NLRP4: variants seen among roughly 807,000 people sequenced by gnomAD.
The protein encoded by NLRP4 is NLR family pyrin domain containing 4.
Under a neutral mutation model 84.7 loss-of-function variants are expected in NLRP4, and 44 were observed. The ratio of observed to expected loss-of-function variants is 0.52; its 90% confidence interval spans 0.41 to 0.67. The LOEUF (loss-of-function observed/expected upper bound fraction) is 0.67. Ranked by LOEUF, NLRP4 falls within the 30% of genes least tolerant of loss-of-function variation. NLRP4 has a pLI of 0.00. For synonymous variants in NLRP4, 544 were observed against 476.4 expected, an observed-to-expected ratio of 1.14 and a Z score of -1.85; for missense variants, 1,260 against 1,219.4, an observed-to-expected ratio of 1.03 and a Z score of -0.50.
At position 55,852,349 on chromosome 19, in the gene NLRP4, G is replaced by A; in HGVS notation, c.269G>A (p.Arg90Lys). 1 of 1,598,502 alleles carries A rather than the reference G, an allele frequency of 6.3e-7. No individual in the cohort carries two copies. The change falls in exon 2 of 10, where the codon AGG (arginine) becomes AAG (lysine). Residue 90 changes from arginine (R) to lysine (K), a missense_variant. By Grantham distance (26) the Arg-to-Lys change is conservative. Transcript: ENST00000301295. ...AAGGATCTCTGCATGAAGGTCATGA[G>A]GGAGAGAACAGGTGAGGGAGTCTGG... ...DRKDLCMKVM[R>K]ERTGYTKTYQ...
At chr19:55,874,139 CAT>C (rs1349856653) in intron 7 of NLRP4, among the ~76,000 whole-genome samples, 4 of 149,954 alleles carry the variant, frequency 2.7e-5, no homozygotes, top group Admixed American at 6.7e-5. Context: ...GCAAGCCACA[CAT>C]GTAATATTAA....
chr19:55,869,701 G>A (rs763959657), intron 6 of NLRP4, among the ~76,000 whole-genome samples: 1 of 151,974 alleles, frequency 6.6e-6, no homozygotes, highest in Admixed American at 6.6e-5. Flanking sequence ...GGCCATATGT[G>A]GTTCGTTCAT....
rs765749540 is a variant in NLRP4, at chr19:55,877,113, G to A, written c.2643G>A (p.Val881=). The A allele has an allele frequency of 6.8e-6, 11 of 1,614,050 alleles. No individual in the cohort carries two copies. In the African/African-American group the frequency reaches 1.1e-4, roughly 16 times the overall value. The change falls in exon 8 of 10, where the codon GTG becomes GTA. Residue 881 remains valine (V), a synonymous_variant. Coordinates refer to ENST00000301295, the MANE Select transcript of NLRP4 (RefSeq NM_134444.5). ...GCAATGAAATCGGAGATGTGGGTGTGCAGCTGTTGTGTCGGGCTCTGACGC... is the reference window on the plus strand; with the variant it reads ...GCAATGAAATCGGAGATGTGGGTGTACAGCTGTTGTGTCGGGCTCTGACGC... ...IGCNEIGDVG[V]QLLCRALTHT...
chr19:55,857,655 C>G lies in NLRP4; in HGVS notation c.281-19C>G. On this transcript the variant is annotated intron_variant, in intron 2 of 9. Coordinates refer to ENST00000301295, the MANE Select transcript of NLRP4 (RefSeq NM_134444.5). ...CTTAACTTTGTGGGTTTTCTCTCCT[C>G]TTGCCCTCACTGACTCAGGATACAC... 1.2e-6 allele frequency: 2 copies of G among 1,608,248 alleles called. No individual in the cohort carries two copies. The highest frequency in any genetic ancestry group is 1.7e-6 in the Non-Finnish European group (2 of 1,178,538).
intron 2 of NLRP4, 22 bp downstream of exon 2, chr19:55,852,382 G>GA: frequency 1.9e-6 from 3 of 1,544,436 alleles, no homozygotes; most frequent in Non-Finnish European, 2.6e-6. Context: ...TGGGAAGGGG[G>GA]AAGCCTTCTT....
intron 1 of NLRP4, among the ~76,000 whole-genome samples, chr19:55,845,698 G>C (rs1274246702): frequency 6.6e-6 from 1 of 151,330 alleles, no homozygotes; most frequent in African/African-American, 2.4e-5. Context: ...GTTGTTTCCT[G>C]ACTTTTTAAT....
intron 1 of NLRP4, among the ~76,000 whole-genome samples, chr19:55,848,268 T>A (rs1357303830): frequency 6.6e-6 from 1 of 152,144 alleles, no homozygotes; most frequent in Non-Finnish European, 1.5e-5. Context: ...CTTCCCATCA[T>A]ATCATATGCT....
At position 55,876,998 on chromosome 19, in the gene NLRP4, T is replaced by C. The variant is rs979627227; in HGVS notation, c.2528T>C (p.Leu843Ser). Residue 843 changes from leucine (L) to serine (S), a missense_variant and splice_region_variant, in exon 8 of 10, where the codon TTG (leucine) becomes TCG (serine). Physicochemically the swap from Leu to Ser is moderately radical, Grantham distance 145. Transcript: ENST00000301295. ...ATGGTACCCTTACTCCTTTGCAGTT[T>C]GGTAAAATGTTTTATCACTGCTGCT... ...HPDCCLDSLC[L>S]VKCFITAAGC... The C allele has an allele frequency of 1.9e-6, 3 of 1,612,720 alleles. No individual in the cohort carries two copies. Among genetic ancestry groups the C allele is most frequent in the Non-Finnish European group, 2.5e-6 (3 of 1,179,022 alleles).
intron 7 of NLRP4, among the ~76,000 whole-genome samples, chr19:55,875,504 G>T (rs1985335434): frequency 6.6e-6 from 1 of 152,156 alleles, no homozygotes; most frequent in Non-Finnish European, 1.5e-5. Flanking sequence ...ATATATGTGA[G>T]ACTTTTATAG....
At chr19:55,861,337 C>T in intron 3 of NLRP4, 49 bp from the exon 4 acceptor site, 1 of 1,563,792 alleles carries the variant, frequency 6.4e-7, no homozygotes, top group Non-Finnish European at 8.8e-7. Flanking sequence ...TTACAAGTGG[C>T]TCGTGTTGAC....
At chr19:55,849,956 T>G (rs5028351) in intron 1 of NLRP4, among the ~76,000 whole-genome samples, 6 of 108,572 alleles carry the variant, frequency 5.5e-5, no homozygotes, top group African/African-American at 9.0e-5. Flanking sequence ...TTTCCGAGAC[T>G]GCGGTGTAAT....
chr19:55,846,980 A>G (rs932255926), intron 1 of NLRP4, among the ~76,000 whole-genome samples: 2 of 152,132 alleles, frequency 1.3e-5, no homozygotes, highest in Admixed American at 1.3e-4. Flanking sequence ...GCTGGAGTGC[A>G]GTGGCACAAT....
chr19:55,853,885 C>CTCTCTCTCTCTTTT (rs1984291024), intron 2 of NLRP4, among the ~76,000 whole-genome samples: 4 of 122,150 alleles, frequency 3.3e-5, no homozygotes, highest in Admixed American at 1.5e-4. Context: ...CTCTTGCTAT[C>CTCTCTCTCTCTTTT]TCTTTCTCTC....
chr19:55,869,361 C>CA lies in NLRP4; in HGVS notation c.2355-1457dup, dbSNP rs200149862. ...CCTGGGTGAAAGAGCAAGACTGTCT[C>CA]AAAAAAAAACAAAAAATAAACCAAA... On this transcript the variant is annotated intron_variant, in intron 6 of 9. Coordinates refer to ENST00000301295, the MANE Select transcript of NLRP4 (RefSeq NM_134444.5). Among the ~76,000 whole-genome samples, 652 of 106,886 alleles carry CA rather than the reference C, an allele frequency of 6.1e-3. 7 individuals carry two copies. Among genetic ancestry groups the CA allele is most frequent in the East Asian group, 0.036 (127 of 3,526 alleles). The allele number at this position is 106,886 out of a possible 152,430, so 70.1% of individuals were successfully genotyped here. A position where few individuals can be genotyped will look rare whatever the true frequency, so the allele number is the denominator to read the frequency against.
At chr19:55,856,786 T>C (rs1162586891) in intron 2 of NLRP4, among the ~76,000 whole-genome samples, 1 of 152,194 alleles carries the variant, frequency 6.6e-6, no homozygotes, top group Non-Finnish European at 1.5e-5. Context: ...AGTTCTGGGA[T>C]TACAGGCATG....
chr19:55,849,960 G>C (rs534693604), intron 1 of NLRP4, among the ~76,000 whole-genome samples: 10 of 144,054 alleles, frequency 6.9e-5, no homozygotes, highest in African/African-American at 2.8e-4. Context: ...CGAGACTGCG[G>C]TGTAATTTCC....
At chr19:55,879,538 A>T (rs1271852090) in intron 9 of NLRP4, among the ~76,000 whole-genome samples, 6 of 151,640 alleles carry the variant, frequency 4.0e-5, no homozygotes, top group African/African-American at 1.2e-4. Flanking sequence ...GAGCTGCACT[A>T]TGTTGCCCAT....
chr19:55,852,728 T>C (rs1984219894), intron 2 of NLRP4, among the ~76,000 whole-genome samples: 1 of 152,150 alleles, frequency 6.6e-6, no homozygotes, highest in African/African-American at 2.4e-5. Flanking sequence ...CCACCCATCT[T>C]GGCCTCCCAA....
At chr19:55,871,084 G>A in intron 7 of NLRP4, 87 bp downstream of exon 7, 2 of 1,171,284 alleles carry the variant, frequency 1.7e-6, no homozygotes, top group Non-Finnish European at 2.5e-6. Flanking sequence ...ATTGAGGAAG[G>A]CTGTAGTGTC....
Sources: gnomAD v4.1 joint callset for allele counts (sites outside exome capture counted in the v4.1 genomes callset) on GRCh38, gnomAD v4.1.1 for gene constraint, MANE v1.5 for transcripts, NCBI Gene and HGNC (gene_info 2026-07-23, HGNC 2026-07-21) for gene names.